Variants in MARCHF3 observed in about 807,000 individuals in gnomAD.
MARCHF3 encodes membrane associated ring-CH-type finger 3, also known as E3 ubiquitin-protein ligase MARCHF3.
Under a neutral mutation model 24.2 loss-of-function variants are expected in MARCHF3, and 13 were observed. That is an observed-to-expected ratio of 0.54 (90% confidence interval 0.35 to 0.85). The LOEUF (loss-of-function observed/expected upper bound fraction) is 0.85, where lower values mean the gene tolerates loss of function less well. MARCHF3 is among the 40% of genes least tolerant of loss of function. The probability of loss-of-function intolerance (pLI) is 0.01; values close to 1 mark genes in which losing one functional copy is unlikely to be tolerated. For missense variants in MARCHF3, 276 were observed against 325.0 expected, an observed-to-expected ratio of 0.85 and a Z score of 1.16; for synonymous variants, 144 against 137.3, an observed-to-expected ratio of 1.05 and a Z score of -0.34.
At chr5:126,985,895 A>G (rs1210677693) in intron 1 of MARCHF3, among the ~76,000 whole-genome samples, 3 of 152,184 alleles carry the variant, frequency 2.0e-5, no homozygotes, top group Non-Finnish European at 4.4e-5. Flanking sequence ...TTTTTCATGC[A>G]TGACTCTATT....
chr5:126,975,674 T>C (rs1456532666), intron 1 of MARCHF3, among the ~76,000 whole-genome samples: 3 of 152,178 alleles, frequency 2.0e-5, no homozygotes, highest in African/African-American at 7.2e-5. Flanking sequence ...TTCTCCCAGG[T>C]ACAGCAAAGG....
intron 1 of MARCHF3, among the ~76,000 whole-genome samples, chr5:126,974,712 C>T (rs1366939118): frequency 6.6e-6 from 1 of 152,154 alleles, no homozygotes; most frequent in African/African-American, 2.4e-5. Flanking sequence ...ACACAAGTTA[C>T]GGAGACTGTG....
At chr5:126,985,852 C>T (rs1175087703) in intron 1 of MARCHF3, among the ~76,000 whole-genome samples, 1 of 152,238 alleles carries the variant, frequency 6.6e-6, no homozygotes. Context: ...CTTAAATACA[C>T]GTTTGCAGGG....
At chr5:127,026,965 A>T (rs920766110) in intron 1 of MARCHF3, among the ~76,000 whole-genome samples, 1 of 152,218 alleles carries the variant, frequency 6.6e-6, no homozygotes, top group Non-Finnish European at 1.5e-5. Flanking sequence ...TTGTTTTTTT[A>T]GCTACTTGGA....
intron 3 of MARCHF3, among the ~76,000 whole-genome samples, chr5:126,892,612 A>G (rs1373151346): frequency 1.3e-5 from 2 of 149,890 alleles, no homozygotes; most frequent in African/African-American, 2.5e-5. Context: ...CGTATATTGA[A>G]CCAACCTTGC....
At chr5:126,966,360 T>TA (rs1370842383) in intron 1 of MARCHF3, among the ~76,000 whole-genome samples, 10 of 152,126 alleles carry the variant, frequency 6.6e-5, no homozygotes, top group Non-Finnish European at 1.5e-4. Flanking sequence ...GTTGATTTTT[T>TA]AAAAAATATA....
At chr5:126,902,114 T>C (rs1236216426) in intron 3 of MARCHF3, among the ~76,000 whole-genome samples, 1 of 152,148 alleles carries the variant, frequency 6.6e-6, no homozygotes, top group Non-Finnish European at 1.5e-5. Context: ...CTTCCTCTTA[T>C]TCTTGGTCCA....
chr5:126,996,495 T>A (rs988986733), intron 1 of MARCHF3, among the ~76,000 whole-genome samples: 1 of 149,612 alleles, frequency 6.7e-6, no homozygotes, highest in African/African-American at 2.5e-5. Context: ...GTATTGCTTG[T>A]GGGCAATCAT....
rs556618722 is a variant in MARCHF3 at position 126,974,257 on chromosome 5, C to T, written c.-56-56030G>A. Reference sequence around the variant, plus strand: ...GAAGAAAAGATGGATGGGGACCCTTCCCTCCCTCAAGCAGGTCAGATTGCT... The same window carrying T: ...GAAGAAAAGATGGATGGGGACCCTTTCCTCCCTCAAGCAGGTCAGATTGCT... On this transcript the variant is annotated intron_variant, in intron 1 of 4. Transcript: ENST00000308660. 3.9e-5 allele frequency among the ~76,000 whole-genome samples: 6 copies of T among 152,324 alleles called. No individual in the cohort carries two copies. In the South Asian group the frequency reaches 6.2e-4, roughly 16 times the overall value.
At chr5:126,878,092 G>A (rs1376986310) in intron 4 of MARCHF3, 93 bp downstream of exon 4, 5 of 1,250,000 alleles carry the variant, frequency 4.0e-6, no homozygotes, top group Non-Finnish European at 5.8e-6. Flanking sequence ...TACCGGGCAG[G>A]TGAGATGTGT....
intron 3 of MARCHF3, among the ~76,000 whole-genome samples, chr5:126,906,460 G>C (rs553511612): frequency 6.6e-6 from 1 of 152,118 alleles, no homozygotes; most frequent in Non-Finnish European, 1.5e-5. Flanking sequence ...ACTCTTTTTC[G>C]TTGGTAAGCT....
intron 1 of MARCHF3, among the ~76,000 whole-genome samples, chr5:127,025,278 T>C (rs1212371779): frequency 6.7e-6 from 1 of 148,834 alleles, no homozygotes; most frequent in Non-Finnish European, 1.5e-5. Context: ...TGCCTCTGAT[T>C]AGACCCAGAG....
chr5:127,014,316 G>A (rs1648444499), intron 1 of MARCHF3, among the ~76,000 whole-genome samples: 2 of 152,154 alleles, frequency 1.3e-5, no homozygotes, highest in South Asian at 2.1e-4. Flanking sequence ...CCCCAGATAC[G>A]ATGGCTACTA....
chr5:126,883,080 T>C (rs552009635), intron 3 of MARCHF3, among the ~76,000 whole-genome samples: 5 of 152,342 alleles, frequency 3.3e-5, no homozygotes, highest in African/African-American at 9.6e-5. Flanking sequence ...TATTTACTTA[T>C]TGAAGTTCCT....
intron 3 of MARCHF3, among the ~76,000 whole-genome samples, chr5:126,895,432 T>A (rs1309662997): frequency 1.3e-5 from 2 of 152,050 alleles, no homozygotes; most frequent in Admixed American, 1.3e-4. Flanking sequence ...TTTTTCCCCA[T>A]CTTTGTGGTT....
chr5:126,948,677 C>T (rs745585274), intron 1 of MARCHF3, among the ~76,000 whole-genome samples: 8 of 152,250 alleles, frequency 5.3e-5, no homozygotes, highest in African/African-American at 9.6e-5. Context: ...ATCACATCTG[C>T]GTCACCTGTG....
chr5:127,016,085 G>A lies in MARCHF3; in HGVS notation c.-57+14265C>T, dbSNP rs144155290. ...TATAATTGTTCTACTTTTATTATTA[G>A]TTATTGTTGTTAATCTCTACTGTGC... On this transcript the variant is annotated intron_variant, in intron 1 of 4. Coordinates refer to ENST00000308660, the MANE Select transcript of MARCHF3 (RefSeq NM_178450.5). 2.9e-3 allele frequency among the ~76,000 whole-genome samples: 448 copies of A among 152,148 alleles called. 6 individuals are homozygous for A. The highest frequency in any genetic ancestry group is 0.01 in the African/African-American group (429 of 41,498).
At chr5:126,932,866 A>T (rs539881329) in intron 1 of MARCHF3, among the ~76,000 whole-genome samples, 3 of 152,328 alleles carry the variant, frequency 2.0e-5, no homozygotes, top group African/African-American at 7.2e-5. Context: ...TTTTGTACAG[A>T]TACAGAGGAA....
chr5:126,971,235 G>A (rs1341424761), intron 1 of MARCHF3, among the ~76,000 whole-genome samples: 1 of 151,960 alleles, frequency 6.6e-6, no homozygotes, highest in Non-Finnish European at 1.5e-5. Flanking sequence ...AGATCATGAG[G>A]TCAGGAGATC....
Sources: allele counts gnomAD v4.1 joint callset (sites outside exome capture counted in the v4.1 genomes callset), GRCh38; gene constraint gnomAD v4.1.1; transcripts MANE v1.5; gene names NCBI Gene and HGNC (gene_info 2026-07-23, HGNC 2026-07-21).